The following SNX13 variants were observed in gnomAD, a reference collection of about 807,000 sequenced individuals.
SNX13 encodes sorting nexin 13.
Under a neutral mutation model 133.6 loss-of-function variants are expected in SNX13, and 45 were observed. The observed-to-expected ratio is 0.34, with a 90% CI of 0.27 to 0.43. The LOEUF (loss-of-function observed/expected upper bound fraction) is 0.43. Among genes scored for constraint, SNX13 ranks in the 20% least tolerant of loss-of-function variants. SNX13 has a pLI of 1.00. For synonymous variants in SNX13, 414 were observed against 373.9 expected (o/e 1.11, Z -1.24); for missense variants, 1,032 against 1,145.1 (o/e 0.90, Z 1.43).
At chr7:17,867,640 AT>A (rs1188696661) in intron 9 of SNX13, among the ~76,000 whole-genome samples, 2 of 151,816 alleles carry the variant, frequency 1.3e-5, no homozygotes, top group Admixed American at 6.6e-5. Context: ...AAAAAAAAAA[AT>A]AAAACAATGG....
chr7:17,882,673 A>T (rs1326770018), intron 5 of SNX13: 3 of 445,658 alleles, frequency 6.7e-6, no homozygotes, highest in Non-Finnish European at 9.9e-6. Flanking sequence ...GTGATGGAGT[A>T]TGTTAGTGTG....
chr7:17,801,608 A>C lies in SNX13; in HGVS notation c.2278T>G (p.Ser760Ala). The C allele has an allele frequency of 6.2e-7, 1 of 1,609,160 alleles. No individual in the cohort carries two copies. Among genetic ancestry groups the C allele is most frequent in the Non-Finnish European group, 8.5e-7 (1 of 1,177,772 alleles). ...TDSDPEHRRV[S>A]AQLDDNVDDN... is the part of the protein sequence containing the mutation. ...CTCACATTATCGTCAAGTTGAGCCG[A>C]AACTCGGCGATGTTCAGGGTCTGAA... Residue 760 changes from serine to alanine, a missense_variant, in exon 22 of 26, where the codon TCG (serine) becomes GCG (alanine). Coordinates refer to ENST00000428135, the MANE Select transcript of SNX13 (RefSeq NM_015132.5).
chr7:17,832,766 A>T (rs1365194635), intron 15 of SNX13, among the ~76,000 whole-genome samples: 1 of 151,540 alleles, frequency 6.6e-6, no homozygotes, highest in Non-Finnish European at 1.5e-5. Flanking sequence ...TTGTACACAT[A>T]AGTAAACTTA....
chr7:17,896,389 A>C (rs1300280312), intron 2 of SNX13, among the ~76,000 whole-genome samples: 2 of 152,188 alleles, frequency 1.3e-5, no homozygotes, highest in Non-Finnish European at 2.9e-5. Flanking sequence ...CTATAGAAAG[A>C]CTACAACATG....
intron 1 of SNX13, among the ~76,000 whole-genome samples, chr7:17,926,548 A>G (rs1427133457): frequency 6.6e-6 from 1 of 152,230 alleles, no homozygotes; most frequent in Non-Finnish European, 1.5e-5. Flanking sequence ...ACAAAATATT[A>G]TAATCCATGA....
chr7:17,841,517 T>C (rs1789873171), intron 12 of SNX13, among the ~76,000 whole-genome samples: 1 of 147,454 alleles, frequency 6.8e-6, no homozygotes. Flanking sequence ...ATTTCCAGAG[T>C]TACTACATTA....
chr7:17,875,852 A>G, intron 5 of SNX13, 62 bp from the exon 6 acceptor site: 1 of 1,337,566 alleles, frequency 7.5e-7, no homozygotes, highest in East Asian at 2.4e-5. Flanking sequence ...ATATAAATTC[A>G]TTTTAATGAC....
chr7:17,909,513 T>C (rs1226363203), intron 1 of SNX13, among the ~76,000 whole-genome samples: 2 of 152,206 alleles, frequency 1.3e-5, no homozygotes, highest in African/African-American at 4.8e-5. Flanking sequence ...TGGAATACTA[T>C]GCAGCCATAA....
chr7:17,864,147 C>CAAG (rs1793083504), intron 9 of SNX13, among the ~76,000 whole-genome samples: 1 of 152,064 alleles, frequency 6.6e-6, no homozygotes, highest in Non-Finnish European at 1.5e-5. Context: ...CTACAAGCAC[C>CAAG]AAGAACATCC....
rs567104989 is a variant in SNX13 at position 17,796,011 on chromosome 7, T to C, written c.2626+816A>G. ...ATTAGAGAAAAAAATTGGTATTGTG[T>C]GATATTAAAGAATGTACAAATATGT... On this transcript the variant is annotated intron_variant, in intron 25 of 25. Transcript: ENST00000428135. 7 of 151,830 alleles carry C rather than the reference T, an allele frequency of 4.6e-5. No individual in the cohort carries two copies. The South Asian group carries it at 1.5e-3, about 31-fold the overall frequency. The allele number at this position is 151,830 out of a possible 1,614,324, so 9.4% of individuals were successfully genotyped here.
chr7:17,830,649 T>C (rs1378864582), intron 15 of SNX13: 3 of 983,630 alleles, frequency 3.0e-6, no homozygotes, highest in African/African-American at 1.8e-5. Context: ...GACAAATTAA[T>C]GTGAGAGAAT....
intron 16 of SNX13, among the ~76,000 whole-genome samples, chr7:17,827,015 G>C (rs577265162): frequency 6.6e-6 from 1 of 152,172 alleles, no homozygotes; most frequent in East Asian, 1.9e-4. Flanking sequence ...ATCTGTATAA[G>C]AAATGTTTAT....
At chr7:17,815,473 T>C (rs993711422) in intron 19 of SNX13, among the ~76,000 whole-genome samples, 4 of 152,134 alleles carry the variant, frequency 2.6e-5, no homozygotes, top group Admixed American at 2.6e-4. Context: ...TAGTCCTAGC[T>C]ACTCAGCAGG....
chr7:17,814,951 A>AC lies in SNX13; in HGVS notation c.1954-8_1954-7insG. 2 of 1,399,340 alleles carry AC rather than the reference A, an allele frequency of 1.4e-6. No individual in the cohort carries two copies. The highest frequency in any genetic ancestry group is 9.2e-7 in the Non-Finnish European group (1 of 1,091,102). 86.7% of individuals were successfully genotyped at this position (1,399,340 alleles called of 1,614,324 possible). A position where few individuals can be genotyped will look rare whatever the true frequency, so the allele number is the denominator to read the frequency against. ...TTTCAGGAGCTAACAGTAACTAACA[A>AC]GAAAAAAAAAAAAAAGAAGAGATTA... On this transcript the variant is annotated splice_polypyrimidine_tract_variant and splice_region_variant and intron_variant, in intron 19 of 25. Transcript: ENST00000428135.
chr7:17,886,612 G>T (rs10242619), intron 5 of SNX13, among the ~76,000 whole-genome samples: 3 of 151,746 alleles, frequency 2.0e-5, no homozygotes, highest in Non-Finnish European at 2.9e-5. Context: ...AATATATTAT[G>T]TACTTTCTGC....
intron 2 of SNX13, among the ~76,000 whole-genome samples, chr7:17,894,306 A>C (rs1326018301): frequency 6.6e-6 from 1 of 152,124 alleles, no homozygotes. Flanking sequence ...AAAAAAAAAA[A>C]GAAAAGAAAA....
chr7:17,934,577 A>G (rs1476265742), intron 1 of SNX13, among the ~76,000 whole-genome samples: 1 of 152,220 alleles, frequency 6.6e-6, no homozygotes, highest in African/African-American at 2.4e-5. Flanking sequence ...AGAAAGAGGT[A>G]TATCTACCAG....
At chr7:17,800,169 T>C (rs1784462602) in intron 22 of SNX13, among the ~76,000 whole-genome samples, 2 of 151,706 alleles carry the variant, frequency 1.3e-5, no homozygotes, top group Admixed American at 6.6e-5. Context: ...ATAGCTAAAC[T>C]GTAAAAACCA....
chr7:17,927,226 T>C (rs1800858332), intron 1 of SNX13, among the ~76,000 whole-genome samples: 1 of 149,900 alleles, frequency 6.7e-6, no homozygotes, highest in Non-Finnish European at 1.5e-5. Context: ...TATGTGTGCA[T>C]GTGTGTATAT....
Sources: gnomAD v4.1 joint callset for allele counts (sites outside exome capture counted in the v4.1 genomes callset) on GRCh38, gnomAD v4.1.1 for gene constraint, MANE v1.5 for transcripts, NCBI Gene and HGNC (gene_info 2026-07-23, HGNC 2026-07-21) for gene names.